Variants in CCDC3 observed in about 807,000 individuals in gnomAD.
CCDC3 encodes the protein coiled-coil domain-containing protein 3.
Under a neutral mutation model 21.4 loss-of-function variants are expected in CCDC3, and 24 were observed. That is an observed-to-expected ratio of 1.12 (90% confidence interval 0.81 to 1.58). The LOEUF (loss-of-function observed/expected upper bound fraction) is 1.58, where lower values mean the gene tolerates loss of function less well. Among genes scored for constraint, CCDC3 ranks in the 40% most tolerant of loss-of-function variants. The pLI, the probability that CCDC3 is intolerant of heterozygous loss-of-function variation, is 0.00. For synonymous variants in CCDC3, 186 were observed against 166.0 expected (o/e 1.12, Z -0.93); for missense variants, 425 against 360.9 (o/e 1.18, Z -1.44).
At chr10:12,905,850 G>A (rs997981679) in intron 2 of CCDC3, among the ~76,000 whole-genome samples, 1 of 152,162 alleles carries the variant, frequency 6.6e-6, no homozygotes, top group African/African-American at 2.4e-5. Context: ...CTCTAGTCCC[G>A]CAGTTGGCCG....
chr10:13,039,316 A>C (rs1836419232), intron 5 of CCDC3, among the ~76,000 whole-genome samples: 1 of 151,994 alleles, frequency 6.6e-6, no homozygotes, highest in South Asian at 2.1e-4. Context: ...CCAGCTACTC[A>C]GGAGGCTGAG....
intron 5 of CCDC3, among the ~76,000 whole-genome samples, chr10:13,027,572 A>G (rs1047648040): frequency 3.9e-5 from 6 of 152,086 alleles, no homozygotes; most frequent in African/African-American, 1.4e-4. Flanking sequence ...CGCCCAGGGC[A>G]CAGTGGCTCA....
At position 12,929,783 on chromosome 10, in the gene CCDC3, G is replaced by C. The variant is rs145399647; in HGVS notation, c.550-31104C>G. Among the ~76,000 whole-genome samples the C allele has an allele frequency of 1.4e-3, 218 of 152,300 alleles. 1 individual carries two copies. The highest frequency in any genetic ancestry group is 4.8e-3 in the African/African-American group (198 of 41,564). On this transcript the variant is annotated intron_variant, in intron 2 of 2. Coordinates refer to ENST00000378825, the MANE Select transcript of CCDC3 (RefSeq NM_031455.4). ...CCTCTTGAGACTGTTTTAAAAGGGAGCTATGATGGTAGTTTAATGCAATGG... is the reference window on the plus strand; with the variant it reads ...CCTCTTGAGACTGTTTTAAAAGGGACCTATGATGGTAGTTTAATGCAATGG...
intron 3 of CCDC3, among the ~76,000 whole-genome samples, chr10:13,079,007 T>C (rs1837000132): frequency 6.6e-6 from 1 of 152,128 alleles, no homozygotes; most frequent in South Asian, 2.1e-4. Flanking sequence ...ACTTAAAATA[T>C]AATAATAATT....
chr10:13,001,078 G>T, intron 1 of CCDC3, 119 bp downstream of exon 1: 1 of 1,298,252 alleles, frequency 7.7e-7, no homozygotes, highest in Non-Finnish European at 1.0e-6. Context: ...CGCCCCAGGG[G>T]CATTCTCACT....
chr10:13,099,115 C>T (rs906448344), exon 2 of CCDC3: 5 of 152,194 alleles, frequency 3.3e-5, no homozygotes, highest in African/African-American at 1.2e-4. Context: ...CCTCATCTGC[C>T]CCTCCTACAC....
At chr10:12,914,041 C>A (rs187314336) in intron 2 of CCDC3, among the ~76,000 whole-genome samples, 34 of 152,180 alleles carry the variant, frequency 2.2e-4, no homozygotes, top group Non-Finnish European at 4.4e-4. Context: ...TGGCTTGTAA[C>A]AGCTTCTTTT....
chr10:12,908,443 G>A (rs1834211755), intron 2 of CCDC3, among the ~76,000 whole-genome samples: 1 of 152,070 alleles, frequency 6.6e-6, no homozygotes, highest in African/African-American at 2.4e-5. Context: ...GGTCTCCTGT[G>A]TTTCTCCCAG....
intron 5 of CCDC3, among the ~76,000 whole-genome samples, chr10:13,038,931 G>A (rs1038903334): frequency 6.6e-6 from 1 of 152,126 alleles, no homozygotes; most frequent in Admixed American, 6.6e-5. Context: ...CCCATTGGGC[G>A]ACTTCTGGAA....
chr10:13,027,648 C>A (rs1385457978), intron 5 of CCDC3, among the ~76,000 whole-genome samples: 3 of 150,630 alleles, frequency 2.0e-5, no homozygotes, highest in Admixed American at 6.6e-5. Context: ...GAGTTTGAGG[C>A]TGCAGTGAGA....
intron 2 of CCDC3, among the ~76,000 whole-genome samples, chr10:12,978,208 G>A (rs918222464): frequency 6.6e-6 from 1 of 151,854 alleles, no homozygotes; most frequent in African/African-American, 2.4e-5. Flanking sequence ...TAGTAGAGAG[G>A]GGGTTTCACC....
chr10:12,984,301 A>C (rs1446337659), intron 2 of CCDC3, among the ~76,000 whole-genome samples: 1 of 152,234 alleles, frequency 6.6e-6, no homozygotes, highest in African/African-American at 2.4e-5. Context: ...AAGCACCGTA[A>C]AGATGCTCGA....
At chr10:13,058,081 G>A in intron 4 of CCDC3, 3 of 761,694 alleles carry the variant, frequency 3.9e-6, no homozygotes, top group Admixed American at 3.4e-5. Context: ...TCTGGCCCCT[G>A]ATGTGCTTCT....
At chr10:13,052,959 C>A (rs1836629365) in intron 4 of CCDC3, among the ~76,000 whole-genome samples, 2 of 138,910 alleles carry the variant, frequency 1.4e-5, no homozygotes, top group Admixed American at 1.5e-4. Flanking sequence ...CACACACACA[C>A]ACACACACAC....
At chr10:13,072,395 T>A (rs920695249) in intron 4 of CCDC3, among the ~76,000 whole-genome samples, 16 of 152,148 alleles carry the variant, frequency 1.1e-4, no homozygotes, top group African/African-American at 3.9e-4. Flanking sequence ...ATGTACTTCT[T>A]TAGAGGGGGG....
intron 4 of CCDC3, chr10:13,058,277 C>T (rs1286000694): frequency 1.7e-5 from 23 of 1,368,954 alleles, no homozygotes; most frequent in Non-Finnish European, 2.4e-5. Flanking sequence ...ACCATCAATG[C>T]TTTCCACATC....
At chr10:13,087,142 C>T (rs1027026151) in intron 3 of CCDC3, among the ~76,000 whole-genome samples, 7 of 152,082 alleles carry the variant, frequency 4.6e-5, no homozygotes, top group African/African-American at 1.4e-4. Context: ...TGGTGGCTCA[C>T]GCCTGTAATC....
chr10:13,099,546 TCCA>T (rs973362957), exon 1 of CCDC3: 3 of 150,154 alleles, frequency 2.0e-5, no homozygotes, highest in African/African-American at 7.3e-5. Flanking sequence ...GCTTCCCTCC[TCCA>T]CACCAGCAGA....
At chr10:13,098,345 T>G (rs1356458547) in intron 3 of CCDC3, among the ~76,000 whole-genome samples, 3 of 152,104 alleles carry the variant, frequency 2.0e-5, no homozygotes, top group Non-Finnish European at 4.4e-5. Flanking sequence ...AGACAAAGTC[T>G]CCCTCTCACC....
Sources: gnomAD v4.1 joint callset for allele counts (sites outside exome capture counted in the v4.1 genomes callset) on GRCh38, gnomAD v4.1.1 for gene constraint, MANE v1.5 for transcripts, NCBI Gene and HGNC (gene_info 2026-07-23, HGNC 2026-07-21) for gene names.